The following CBFA2T3 variants were observed in gnomAD, a reference collection of about 807,000 sequenced individuals.
The protein encoded by CBFA2T3 is transcriptional corepressor CBFA2T3.
Under a neutral mutation model 58.6 loss-of-function variants are expected in CBFA2T3, and 31 were observed. The ratio of observed to expected loss-of-function variants is 0.53; its 90% CI spans 0.40 to 0.71. The LOEUF is 0.71. CBFA2T3 is among the 30% of genes least tolerant of loss of function. CBFA2T3 has a pLI of 0.00. For missense variants in CBFA2T3, 1,076 were observed against 963.1 expected (o/e 1.12, Z -1.55); for synonymous variants, 531 against 421.9 (o/e 1.26, Z -3.17).
intron 1 of CBFA2T3, among the ~76,000 whole-genome samples, chr16:88,927,198 C>A (rs999616236): frequency 2.0e-5 from 3 of 152,210 alleles, no homozygotes; most frequent in Non-Finnish European, 4.4e-5. Flanking sequence ...CACCGCCTAA[C>A]GAGTTGGGTC....
intron 1 of CBFA2T3, among the ~76,000 whole-genome samples, chr16:88,911,749 C>T (rs1003849030): frequency 3.3e-5 from 5 of 152,276 alleles, no homozygotes; most frequent in African/African-American, 7.2e-5. Context: ...CCGGCCACAA[C>T]GGCCGCGTGG....
chr16:88,936,510 G>A (rs1277355425), intron 1 of CBFA2T3, among the ~76,000 whole-genome samples: 4 of 151,756 alleles, frequency 2.6e-5, no homozygotes, highest in Admixed American at 6.6e-5. Context: ...AGGGGCAGCC[G>A]AGTATCCACC....
At chr16:88,911,667 C>T (rs1209649728) in intron 1 of CBFA2T3, among the ~76,000 whole-genome samples, 8 of 152,390 alleles carry the variant, frequency 5.2e-5, no homozygotes, top group African/African-American at 1.4e-4. Context: ...CATGAGCTCA[C>T]GAAAAGCGTC....
At chr16:88,883,122 C>T (rs374533636) in intron 7 of CBFA2T3, 61 of 340,904 alleles carry the variant, frequency 1.8e-4, no homozygotes, top group South Asian at 1.6e-3. Context: ...CTGGCTGGAG[C>T]TGGAGCAGTG....
chr16:88,939,174 G>A (rs1416659556), intron 1 of CBFA2T3: 1 of 146,810 alleles, frequency 6.8e-6, no homozygotes, highest in Non-Finnish European at 1.5e-5. Context: ...GCAGATAGCG[G>A]GCGGCAGGGG....
intron 5 of CBFA2T3, chr16:88,886,484 G>A (rs1597668150): frequency 1.8e-5 from 4 of 228,360 alleles, no homozygotes; most frequent in Admixed American, 1.6e-4. Context: ...GCGAGAGGAC[G>A]AAGGGGCAGC....
At chr16:88,932,791 CAAAAAAAAAAAAAAAAA>C (rs576934029) in intron 1 of CBFA2T3, among the ~76,000 whole-genome samples, 1 of 27,854 alleles carries the variant, frequency 3.6e-5, no homozygotes, top group African/African-American at 1.3e-4. Flanking sequence ...ACTAAAAATA[CAAAAAAAAAAAAAAAAA>C]AAAAAAAAAA....
At chr16:88,912,612 G>A (rs534598967) in intron 1 of CBFA2T3, among the ~76,000 whole-genome samples, 56 of 152,280 alleles carry the variant, frequency 3.7e-4, no homozygotes, top group African/African-American at 1.3e-3. Flanking sequence ...TGAAGCCTCC[G>A]TCTGTGTTGG....
intron 1 of CBFA2T3, among the ~76,000 whole-genome samples, chr16:88,918,307 AGGCCTGGGAGAAGACCCCACCAT>A (rs1288013811): frequency 2.0e-5 from 3 of 152,162 alleles, no homozygotes; most frequent in African/African-American, 7.2e-5. Flanking sequence ...GGGTGAAGGG[AGGCCTGGGAGAAGACCCCACCAT>A]GGCCTGGGCC....
At chr16:88,878,469 T>G (rs1968924678) in intron 11 of CBFA2T3, among the ~76,000 whole-genome samples, 1 of 152,224 alleles carries the variant, frequency 6.6e-6, no homozygotes, top group South Asian at 2.1e-4. Flanking sequence ...CTGTCCCCTC[T>G]TCGTGGACAA....
At chr16:88,884,672 C>T (rs534181072) in intron 7 of CBFA2T3, 10 of 201,644 alleles carry the variant, frequency 5.0e-5, no homozygotes, top group Admixed American at 2.9e-4. Flanking sequence ...TTAACTCCCC[C>T]AGGCCTTGGA....
At chr16:88,976,189 G>C (rs1435248092) in intron 1 of CBFA2T3, among the ~76,000 whole-genome samples, 2 of 152,188 alleles carry the variant, frequency 1.3e-5, no homozygotes, top group African/African-American at 2.4e-5. Flanking sequence ...CCCAGGGTTG[G>C]GTCCATTTCC....
intron 1 of CBFA2T3, among the ~76,000 whole-genome samples, chr16:88,925,351 C>T (rs1971053152): frequency 6.6e-6 from 1 of 152,202 alleles, no homozygotes; most frequent in South Asian, 2.1e-4. Flanking sequence ...TTCCGGGTAC[C>T]CTGACTCATC....
At chr16:88,924,359 G>A (rs1340786850) in intron 1 of CBFA2T3, among the ~76,000 whole-genome samples, 2 of 152,316 alleles carry the variant, frequency 1.3e-5, no homozygotes, top group Admixed American at 1.3e-4. Context: ...TGCCTCCCTG[G>A]GGCCGCCGAC....
In CBFA2T3 at chr16:88,965,050, T is replaced by A. The variant is rs374787586; in HGVS notation, c.151+11607A>T. On this transcript the variant is annotated intron_variant, in intron 1 of 11. Transcript: ENST00000268679. ...ACCTATGCACTTCTCCATCCATCCA[T>A]CCATCCACCCATCCATCCATCTATC... Among the ~76,000 whole-genome samples, 125 of 147,680 alleles carry A rather than the reference T, an allele frequency of 8.5e-4. 2 individuals are homozygous for A. In the South Asian group the frequency reaches 0.026, roughly 31 times the overall value.
intron 1 of CBFA2T3, among the ~76,000 whole-genome samples, chr16:88,973,301 C>T (rs895990290): frequency 6.6e-6 from 1 of 152,186 alleles, no homozygotes; most frequent in Admixed American, 6.5e-5. Context: ...GAGGAGACGG[C>T]CTTGCAAAGA....
chr16:88,879,292 T>G lies in CBFA2T3; in HGVS notation c.1640A>C (p.Asn547Thr). ...QASEDALTVINQQEDSSESCW... is the reference protein window; with the variant it reads ...QASEDALTVITQQEDSSESCW... Reference sequence around the variant, plus strand: ...TACCTCGCTGGAGTCCTCCTGCTGGTTGATGACCGTCAGGGCGTCCTCGGA... The same window carrying G: ...TACCTCGCTGGAGTCCTCCTGCTGGGTGATGACCGTCAGGGCGTCCTCGGA... Residue 547 changes from asparagine to threonine, a missense_variant, in exon 11 of 12, where the codon AAC (asparagine) becomes ACC (threonine). Transcript: ENST00000268679. 1 of 1,602,650 alleles carries G rather than the reference T, an allele frequency of 6.2e-7. No homozygotes were observed.
chr16:88,917,924 C>T (rs1421419646), intron 1 of CBFA2T3, among the ~76,000 whole-genome samples: 3 of 152,158 alleles, frequency 2.0e-5, no homozygotes, highest in African/African-American at 4.8e-5. Context: ...CTCCGGGGTG[C>T]GTGGAGGGAC....
In CBFA2T3 at chr16:88,885,208, A is replaced by C. The variant is rs774109097; in HGVS notation, c.955T>G (p.Cys319Gly). The change falls in exon 7 of 12, where the codon TGC becomes GGC. Residue 319 changes from cysteine to glycine, a missense_variant. By Grantham distance (159) the Cys-to-Gly change is radical (BLOSUM62 -3). Transcript: ENST00000268679. This position sits in a 1 kb window ranked among gnomAD's most constrained non-coding sequence, Gnocchi z 5.3. ...TAGCGCTGGGCAGGGTTCAGGGTGC[A>C]TGGCCGTTTGCTGAGGTGCTCGGGG... ...LHPEHLSKRPCTLNPAQRYSP... is the reference protein window; with the variant it reads ...LHPEHLSKRPGTLNPAQRYSP... 2.5e-6 allele frequency: 4 copies of C among 1,597,918 alleles called. No homozygotes were observed. The highest frequency in any genetic ancestry group is 3.4e-6 in the Non-Finnish European group (4 of 1,170,036).
Sources: allele counts gnomAD v4.1 joint callset (sites outside exome capture counted in the v4.1 genomes callset), GRCh38; gene constraint gnomAD v4.1.1; non-coding constraint Gnocchi (gnomAD v3.1); transcripts MANE v1.5; gene names NCBI Gene and HGNC (gene_info 2026-07-23, HGNC 2026-07-21).